Variants in FARP2 observed in about 807,000 individuals in gnomAD.
FARP2 encodes the protein FERM, ARH/RhoGEF and pleckstrin domain protein 2, also known as FERM, ARHGEF and pleckstrin domain-containing protein 2.
FARP2 carries 111 observed loss-of-function variants against 130.5 expected under a neutral mutation model. The ratio of observed to expected loss-of-function variants is 0.85; its 90% confidence interval spans 0.73 to 1.00. The LOEUF is 1.00. FARP2 is among the 50% of genes least tolerant of loss of function. The pLI is 0.00. For synonymous variants in FARP2, 504 were observed against 516.9 expected (o/e 0.98, Z 0.34); for missense variants, 1,385 against 1,346.3 (o/e 1.03, Z -0.45).
At position 241,435,056 on chromosome 2, in the gene FARP2, A is replaced by G. The variant is rs1204739395; in HGVS notation, c.1100+26A>G. On this transcript the variant is annotated intron_variant, in intron 11 of 26. Coordinates refer to ENST00000264042, the MANE Select transcript of FARP2 (RefSeq NM_014808.4). ...GTAAGCTCTGGCCTTTATGATGTAAAGTGTGTGCTTTTAAAATTAAAATTT... is the reference window on the plus strand; with the variant it reads ...GTAAGCTCTGGCCTTTATGATGTAAGGTGTGTGCTTTTAAAATTAAAATTT... The G allele has an allele frequency of 2.2e-6, 3 of 1,365,962 alleles. 1 individual carries two copies. Among genetic ancestry groups the G allele is most frequent in the South Asian group, 1.3e-5 (1 of 77,718 alleles). 84.6% of individuals were successfully genotyped at this position (1,365,962 alleles called of 1,614,324 possible). A position where few individuals can be genotyped will look rare whatever the true frequency, so the allele number is the denominator to read the frequency against.
chr2:241,457,362 G>A (rs2063878890), intron 14 of FARP2, among the ~76,000 whole-genome samples: 2 of 148,998 alleles, frequency 1.3e-5, no homozygotes. Flanking sequence ...GAAAGATCTG[G>A]GTGCTAAGGG....
At chr2:241,464,737 A>G (rs1195051258) in intron 17 of FARP2, among the ~76,000 whole-genome samples, 1 of 152,048 alleles carries the variant, frequency 6.6e-6, no homozygotes, top group African/African-American at 2.4e-5. Flanking sequence ...CATTCCCATT[A>G]GAACAAGGTT....
chr2:241,373,121 A>G lies in FARP2; in HGVS notation c.14A>G (p.Glu5Gly). ...TCATGGTGAAGAATGGGGGAGATAG[A>G]AGGAACATACAGAGTCCTGCAGACT... MGEIEGTYRVLQTAG... is the reference protein window; with the variant it reads MGEIGGTYRVLQTAG... The change falls in exon 2 of 27, where the codon GAA becomes GGA. Residue 5 changes from glutamate to glycine, a missense_variant. Physicochemically the swap from Glu to Gly is moderately conservative, Grantham distance 98. Coordinates refer to ENST00000264042, the MANE Select transcript of FARP2 (RefSeq NM_014808.4). 7.1e-7 allele frequency: 1 copy of G among 1,403,730 alleles called. No individual in the cohort carries two copies. The highest frequency in any genetic ancestry group is 9.4e-7 in the Non-Finnish European group (1 of 1,064,652). The allele number at this position is 1,403,730 out of a possible 1,614,324, so 87.0% of individuals were successfully genotyped here.
chr2:241,410,211 C>A (rs1473769301), intron 5 of FARP2, among the ~76,000 whole-genome samples: 2 of 152,196 alleles, frequency 1.3e-5, no homozygotes, highest in Non-Finnish European at 1.5e-5. Context: ...TTTCTCAGAT[C>A]CTAGCCAAGA....
intron 2 of FARP2, among the ~76,000 whole-genome samples, chr2:241,387,481 TC>T (rs1418629650): frequency 5.9e-5 from 9 of 152,190 alleles, no homozygotes; most frequent in African/African-American, 1.9e-4. Flanking sequence ...AATGAACAAT[TC>T]CAAAATAAAA....
intron 8 of FARP2, among the ~76,000 whole-genome samples, chr2:241,429,145 A>T (rs2063030613): frequency 6.6e-6 from 1 of 152,218 alleles, no homozygotes; most frequent in Admixed American, 6.5e-5. Flanking sequence ...CGTTTTTAAA[A>T]TTTTATTTTG....
chr2:241,463,829 CT>C, intron 16 of FARP2, 69 bp from the exon 17 acceptor site: 1 of 1,338,004 alleles, frequency 7.5e-7, no homozygotes, highest in South Asian at 1.2e-5. Flanking sequence ...AGCTGTCACC[CT>C]GCGTCAGATT....
Position 241,479,376 on chromosome 2 carries a change from C to G in FARP2, c.2262+3389C>G, listed in dbSNP as rs577220582. Among the ~76,000 whole-genome samples, 3 of 152,364 alleles carry G rather than the reference C, an allele frequency of 2.0e-5. No individual in the cohort carries two copies. The East Asian group carries it at 5.8e-4, about 29-fold the overall frequency. On this transcript the variant is annotated intron_variant, in intron 19 of 26. Coordinates refer to ENST00000264042, the MANE Select transcript of FARP2 (RefSeq NM_014808.4). ...AAGCGGCCACGGCCTCATCGGCATCCAGCACGCCGTGGCCTCGGGTCTGGC... is the reference window on the plus strand; with the variant it reads ...AAGCGGCCACGGCCTCATCGGCATCGAGCACGCCGTGGCCTCGGGTCTGGC...
rs753588085 is a variant in FARP2 at position 241,434,224 on chromosome 2, A to C, written c.934A>C (p.Ile312Leu). ...AGATGAATGTAAGAACTTCTGGAAG[A>C]TTTGTGTGGAGTATCACACCTTTTT... ...SRDECKNFWKICVEYHTFFRL... is the reference protein window; with the variant it reads ...SRDECKNFWKLCVEYHTFFRL... Residue 312 changes from isoleucine (I) to leucine (L), a missense_variant, in exon 10 of 27, where the codon ATT (isoleucine) becomes CTT (leucine). Transcript: ENST00000264042. 7 of 1,613,928 alleles carry C rather than the reference A, an allele frequency of 4.3e-6. No individual in the cohort carries two copies. Among genetic ancestry groups the C allele is most frequent in the Non-Finnish European group, 5.9e-6 (7 of 1,179,860 alleles).
chr2:241,407,055 C>A (rs974845975), intron 4 of FARP2, among the ~76,000 whole-genome samples: 8 of 150,482 alleles, frequency 5.3e-5, no homozygotes, highest in African/African-American at 9.8e-5. Context: ...TGATCCGCCC[C>A]CCTCAGCCTC....
Position 241,456,934 on chromosome 2 carries a change from G to A in FARP2, c.1587+12G>A, listed in dbSNP as rs766176035. 7 of 1,575,416 alleles carry A rather than the reference G, an allele frequency of 4.4e-6. No homozygotes were observed. The highest frequency in any genetic ancestry group is 4.1e-5 in the African/African-American group (3 of 73,512). Reference sequence around the variant, plus strand: ...AGCCCAGACACAAGGTGGGCCCCTCGAGGCTGAGAAGCTAGCAGAGGGTTG... The same window carrying A: ...AGCCCAGACACAAGGTGGGCCCCTCAAGGCTGAGAAGCTAGCAGAGGGTTG... On this transcript the variant is annotated intron_variant, in intron 14 of 26. Transcript: ENST00000264042.
intron 8 of FARP2, among the ~76,000 whole-genome samples, chr2:241,419,861 G>C (rs1309629130): frequency 6.6e-6 from 1 of 152,232 alleles, no homozygotes; most frequent in African/African-American, 2.4e-5. Flanking sequence ...TAGAAAGCCA[G>C]TTAAATAGCC....
At chr2:241,409,225 A>G (rs896947286) in intron 5 of FARP2, among the ~76,000 whole-genome samples, 9 of 152,142 alleles carry the variant, frequency 5.9e-5, no homozygotes, top group Admixed American at 3.3e-4. Context: ...ATAAAAATGT[A>G]CATGTTTGTG....
At chr2:241,399,156 AC>A (rs2062099739) in intron 2 of FARP2, among the ~76,000 whole-genome samples, 1 of 151,926 alleles carries the variant, frequency 6.6e-6, no homozygotes, top group Admixed American at 6.6e-5. Context: ...ATATTGTCCA[AC>A]TTTTCTTGTT....
At chr2:241,441,819 T>C in intron 13 of FARP2, 2 of 574,794 alleles carry the variant, frequency 3.5e-6, no homozygotes, top group Non-Finnish European at 6.3e-6. Context: ...TCATAGACGA[T>C]GACCCAGCAG....
chr2:241,474,804 TAAATAAATA>T (rs911995696), intron 18 of FARP2, among the ~76,000 whole-genome samples: 5 of 104,808 alleles, frequency 4.8e-5, no homozygotes, highest in Non-Finnish European at 1.1e-4. Flanking sequence ...ATAATAATAA[TAAATAAATA>T]AATAAATAAA....
In FARP2 at chr2:241,436,521, G is replaced by T; in HGVS notation, c.1141G>T (p.Ala381Ser). 6.2e-7 allele frequency: 1 copy of T among 1,614,174 alleles called. No homozygotes were observed. The highest frequency in any genetic ancestry group is 1.3e-5 in the African/African-American group (1 of 75,052). Residue 381 changes from alanine to serine, a missense_variant, in exon 12 of 27, where the codon GCA becomes TCA. Coordinates refer to ENST00000264042, the MANE Select transcript of FARP2 (RefSeq NM_014808.4). ...KTHTSVRALT[A>S]DLPKQSISFP... ...CCACACGTCCGTTCGAGCTCTGACT[G>T]CAGACCTACCAAAACAGGTTAGTCT...
chr2:241,417,722 T>C (rs780195213), intron 7 of FARP2, among the ~76,000 whole-genome samples: 12 of 152,224 alleles, frequency 7.9e-5, no homozygotes, highest in Non-Finnish European at 1.8e-4. Context: ...AGCTAGTGTA[T>C]GCAAAGAAAG....
intron 2 of FARP2, among the ~76,000 whole-genome samples, chr2:241,376,157 C>A (rs548254456): frequency 6.6e-6 from 1 of 152,162 alleles, no homozygotes; most frequent in Non-Finnish European, 1.5e-5. Context: ...CTGGTTGGAA[C>A]CTCATGTGCA....
Sources: gnomAD v4.1 joint callset for allele counts (sites outside exome capture counted in the v4.1 genomes callset) on GRCh38, gnomAD v4.1.1 for gene constraint, MANE v1.5 for transcripts, NCBI Gene and HGNC (gene_info 2026-07-23, HGNC 2026-07-21) for gene names.